Variants in GRHL2 observed in about 807,000 individuals in gnomAD.
GRHL2 encodes grainyhead-like protein 2 homolog.
GRHL2 carries 21 observed loss-of-function variants against 83.8 expected under a neutral mutation model. The observed-to-expected ratio is 0.25, with a 90% CI of 0.18 to 0.36. The LOEUF (loss-of-function observed/expected upper bound fraction) is 0.36, where lower values mean the gene tolerates loss of function less well. Among genes scored for constraint, GRHL2 ranks in the 10% least tolerant of loss-of-function variants. GRHL2 has a pLI of 1.00. For synonymous variants in GRHL2, 280 were observed against 278.9 expected (o/e 1.00, Z -0.04); for missense variants, 623 against 781.8 (o/e 0.80, Z 2.42).
At chr8:101,636,807 G>T (rs1198215078) in intron 11 of GRHL2, 90 bp from the exon 12 acceptor site, 4 of 1,128,632 alleles carry the variant, frequency 3.5e-6, no homozygotes, top group Admixed American at 3.4e-5. Context: ...TTAAGAGACA[G>T]TTTATGCCTT....
intron 1 of GRHL2, among the ~76,000 whole-genome samples, chr8:101,515,819 C>T (rs1379369355): frequency 6.6e-6 from 1 of 151,554 alleles, no homozygotes; most frequent in African/African-American, 2.4e-5. Context: ...CCAAAGACAG[C>T]TTAAGAATAT....
In GRHL2 at chr8:101,632,369, T is replaced by TGACCTACCA. The variant is rs1253517491; in HGVS notation, c.1485+6_1485+14dup. 6.2e-7 allele frequency: 1 copy of TGACCTACCA among 1,613,664 alleles called. No homozygotes were observed. The highest frequency in any genetic ancestry group is 1.7e-5 in the Admixed American group (1 of 59,986). ...AAACCTGCAGAGGACCGGACAGGTA[T>TGACCTACCA]GACCTACCAGCTAACGCCCACCTCC... On this transcript the variant is annotated splice_donor_region_variant and intron_variant, in intron 11 of 15. Coordinates refer to ENST00000646743, the MANE Select transcript of GRHL2 (RefSeq NM_024915.4).
chr8:101,649,490 G>A lies in GRHL2; in HGVS notation c.1689G>A (p.Leu563=). Residue 563 remains leucine (L), a synonymous_variant, in exon 14 of 16, where the codon CTG becomes CTA. Transcript: ENST00000646743. ...LMLKSPTVKG[L]MEAISEKYGL... is the part of the protein sequence containing the mutation. ...TGAAGTCTCCCACAGTGAAGGGCCTGATGGAAGCGGTAAGCCATATACTCC... is the reference window on the plus strand; with the variant it reads ...TGAAGTCTCCCACAGTGAAGGGCCTAATGGAAGCGGTAAGCCATATACTCC... The A allele has an allele frequency of 6.2e-7, 1 of 1,613,110 alleles. No homozygotes were observed. The highest frequency in any genetic ancestry group is 8.5e-7 in the Non-Finnish European group (1 of 1,179,150).
chr8:101,664,398 G>A lies in GRHL2; in HGVS notation c.1699-56G>A, dbSNP rs868072759. 16 of 1,282,770 alleles carry A rather than the reference G, an allele frequency of 1.2e-5. No individual in the cohort carries two copies. In the Middle Eastern group the frequency reaches 2.4e-3, roughly 191 times the overall value. The allele number at this position is 1,282,770 out of a possible 1,614,324, so 79.5% of individuals were successfully genotyped here. ...GAGTGAAACTGGAACTTTCCCCCTT[G>A]CCTCCAGTTGGGCGTCCTTCTGTGC... On this transcript the variant is annotated intron_variant, in intron 14 of 15. Transcript: ENST00000646743.
At chr8:101,678,762 G>A in the GRHL2 span, among the ~76,000 whole-genome samples, 227 of 152,200 alleles carry the variant, frequency 1.5e-3, 1 homozygote, top group Middle Eastern at 6.8e-3. Flanking sequence ...CTCCTCAAGC[G>A]GGTCCTTGAC....
intron 15 of GRHL2, among the ~76,000 whole-genome samples, chr8:101,665,577 C>A (rs4734573): frequency 6.6e-6 from 1 of 151,968 alleles, no homozygotes; most frequent in African/African-American, 2.4e-5. Context: ...AGTGAGATTT[C>A]AGTCGTGTCT....
intron 8 of GRHL2, among the ~76,000 whole-genome samples, chr8:101,605,459 TA>T (rs1812614242): frequency 6.6e-6 from 1 of 152,250 alleles, no homozygotes; most frequent in African/African-American, 2.4e-5. Flanking sequence ...TTAAGCAATC[TA>T]TAGGGTACAA....
chr8:101,534,967 G>T (rs192936722), intron 1 of GRHL2, among the ~76,000 whole-genome samples: 50 of 152,308 alleles, frequency 3.3e-4, no homozygotes, highest in Admixed American at 1.6e-3. Flanking sequence ...GCACTACTCT[G>T]TGTCTAGTGC....
Position 101,552,752 on chromosome 8 carries a change from C to A in GRHL2, c.254C>A (p.Ala85Glu). 1 of 1,614,090 alleles carries A rather than the reference C, an allele frequency of 6.2e-7. No homozygotes were observed. Among genetic ancestry groups the A allele is most frequent in the Non-Finnish European group, 8.5e-7 (1 of 1,179,992 alleles). Residue 85 changes from alanine to glutamate, a missense_variant, in exon 3 of 16, where the codon GCA becomes GAA. Transcript: ENST00000646743. ...AAGAGGCTGCTGTCTGTAAGCAAAG[C>A]AAGTGACAGCCAAGAAGACCAGGAG... ...RDKRLLSVSK[A>E]SDSQEDQEKR...
intron 7 of GRHL2, among the ~76,000 whole-genome samples, chr8:101,579,876 G>A (rs1812014553): frequency 6.6e-6 from 1 of 152,238 alleles, no homozygotes; most frequent in Non-Finnish European, 1.5e-5. Flanking sequence ...GGTTATCAGT[G>A]CCTGCAGAGG....
At chr8:101,509,677 G>A (rs1810425113) in intron 1 of GRHL2, among the ~76,000 whole-genome samples, 1 of 152,048 alleles carries the variant, frequency 6.6e-6, no homozygotes, top group South Asian at 2.1e-4. Context: ...TTGCAGAGAG[G>A]GCATGAACAG....
At chr8:101,522,006 A>G (rs1377871186) in intron 1 of GRHL2, among the ~76,000 whole-genome samples, 1 of 152,210 alleles carries the variant, frequency 6.6e-6, no homozygotes, top group Non-Finnish European at 1.5e-5. Context: ...AGGGGTGTGA[A>G]TGGAGGAAGA....
At chr8:101,623,635 GGACAGTTCACAGTAA>G (rs1387653209) in intron 9 of GRHL2, among the ~76,000 whole-genome samples, 3 of 151,782 alleles carry the variant, frequency 2.0e-5, no homozygotes, top group South Asian at 2.1e-4. Flanking sequence ...GTACACAGTA[GGACAGTTCACAGTAA>G]GACAGTTCAC....
intron 8 of GRHL2, among the ~76,000 whole-genome samples, chr8:101,618,670 C>T (rs1230072907): frequency 6.6e-6 from 1 of 151,812 alleles, no homozygotes; most frequent in Non-Finnish European, 1.5e-5. Context: ...CTCAGTGATT[C>T]GCTCATCTAA....
intron 14 of GRHL2, among the ~76,000 whole-genome samples, chr8:101,652,394 T>TG (rs1673760489): frequency 1.6e-5 from 1 of 62,334 alleles, no homozygotes; most frequent in African/African-American, 1.3e-4. Context: ...GGTGTGTGTG[T>TG]GTGTCTGGTG....
In GRHL2 at chr8:101,666,866, T is replaced by C; in HGVS notation, c.*163T>C. The C allele has an allele frequency of 1.5e-6, 1 of 680,168 alleles. No individual in the cohort carries two copies. Among genetic ancestry groups the C allele is most frequent in the Non-Finnish European group, 2.7e-6 (1 of 371,422 alleles). 42.1% of individuals were successfully genotyped at this position (680,168 alleles called of 1,614,324 possible). On this transcript the variant is annotated 3_prime_UTR_variant, in exon 16 of 16. Coordinates refer to ENST00000646743, the MANE Select transcript of GRHL2 (RefSeq NM_024915.4). Reference sequence around the variant, plus strand: ...GGCAAGGGACAGGCCCCACTGTCGGTGTGCTTGGCCCATCCACTGGCACCT... The same window carrying C: ...GGCAAGGGACAGGCCCCACTGTCGGCGTGCTTGGCCCATCCACTGGCACCT...
intron 14 of GRHL2, among the ~76,000 whole-genome samples, chr8:101,651,091 T>C (rs957655460): frequency 2.0e-5 from 3 of 152,180 alleles, no homozygotes; most frequent in African/African-American, 7.2e-5. Flanking sequence ...ATGATCTATA[T>C]ATATTGAAAT....
chr8:101,627,718 T>C (rs532540991), intron 9 of GRHL2, among the ~76,000 whole-genome samples: 4 of 152,066 alleles, frequency 2.6e-5, no homozygotes, highest in Non-Finnish European at 5.9e-5. Context: ...AACGTGCGAA[T>C]GCAAAGGAAA....
intron 9 of GRHL2, among the ~76,000 whole-genome samples, chr8:101,629,110 C>A (rs916613767): frequency 6.6e-6 from 1 of 152,178 alleles, no homozygotes; most frequent in Non-Finnish European, 1.5e-5. Context: ...AACAGCATCA[C>A]GTGTTACAGA....
Sources: allele counts gnomAD v4.1 joint callset (sites outside exome capture counted in the v4.1 genomes callset), GRCh38; gene constraint gnomAD v4.1.1; transcripts MANE v1.5; gene names NCBI Gene and HGNC (gene_info 2026-07-23, HGNC 2026-07-21).